Variants in ZNF280D observed in about 807,000 individuals in gnomAD.
ZNF280D encodes suppressor of hairy wing homolog 4.
Under a neutral mutation model 94.7 loss-of-function variants are expected in ZNF280D, and 39 were observed. The observed-to-expected ratio is 0.41, with a 90% CI of 0.32 to 0.54. The LOEUF (loss-of-function observed/expected upper bound fraction) is 0.54, where lower values mean the gene tolerates loss of function less well. Among genes scored for constraint, ZNF280D ranks in the 20% least tolerant of loss-of-function variants. The pLI, the probability that ZNF280D is intolerant of heterozygous loss-of-function variation, is 0.22. For missense variants in ZNF280D, 1,090 were observed against 1,149.3 expected (o/e 0.95, Z 0.75); for synonymous variants, 398 against 377.6 (o/e 1.05, Z -0.63).
At chr15:56,705,460 A>G (rs1389771261) in intron 3 of ZNF280D, among the ~76,000 whole-genome samples, 1 of 152,150 alleles carries the variant, frequency 6.6e-6, no homozygotes, top group Non-Finnish European at 1.5e-5. Context: ...AATAATTCAA[A>G]TCTTTCCTCC....
At chr15:56,719,767 A>G (rs2058246833) in intron 1 of ZNF280D, among the ~76,000 whole-genome samples, 1 of 151,570 alleles carries the variant, frequency 6.6e-6, no homozygotes. Context: ...AGTCACACGC[A>G]TTGTTTGGTT....
rs779339699 is a variant in ZNF280D, at chr15:56,689,168, C to T, written c.671-18G>A. Reference sequence around the variant, plus strand: ...ATTTGTACCTAAAATAAATTCAGAACATTTATGACTCAAAATTCATCACTT... The same window carrying T: ...ATTTGTACCTAAAATAAATTCAGAATATTTATGACTCAAAATTCATCACTT... On this transcript the variant is annotated intron_variant, in intron 8 of 21. Transcript: ENST00000267807. 5.7e-6 allele frequency: 9 copies of T among 1,588,846 alleles called. No individual in the cohort carries two copies. The highest frequency in any genetic ancestry group is 1.2e-5 in the South Asian group (1 of 86,810).
At chr15:56,700,169 TA>T in intron 6 of ZNF280D, 1 of 977,680 alleles carries the variant, frequency 1.0e-6, no homozygotes, top group Non-Finnish European at 1.2e-6. Flanking sequence ...CTTTCATGTC[TA>T]AAAAAGTGTA....
chr15:56,686,506 T>C (rs1273305406), intron 9 of ZNF280D, among the ~76,000 whole-genome samples: 4 of 152,084 alleles, frequency 2.6e-5, no homozygotes, highest in African/African-American at 9.7e-5. Context: ...TGAAACAAAA[T>C]TGCAATATAT....
At chr15:56,654,162 T>A (rs1201145900) in intron 19 of ZNF280D, 36 bp downstream of exon 19, 15 of 1,592,374 alleles carry the variant, frequency 9.4e-6, no homozygotes, top group Non-Finnish European at 1.3e-5. Flanking sequence ...CTAAAATCCA[T>A]CAAAGTAAAA....
At chr15:56,703,953 T>A (rs2141219412) in intron 4 of ZNF280D, among the ~76,000 whole-genome samples, 168 bp downstream of exon 4, 1 of 152,312 alleles carries the variant, frequency 6.6e-6, no homozygotes, top group South Asian at 2.1e-4. Context: ...AGTCCATTTC[T>A]CTTTTCTGAC....
intron 1 of ZNF280D, among the ~76,000 whole-genome samples, chr15:56,719,886 TAAA>T (rs35398429): frequency 3.5e-4 from 36 of 101,704 alleles, no homozygotes; most frequent in African/African-American, 1.1e-3. Flanking sequence ...ACTTTATTGC[TAAA>T]AAAAAAAAAA....
chr15:56,731,905 G>A (rs2058911381), intron 1 of ZNF280D, among the ~76,000 whole-genome samples: 2 of 152,276 alleles, frequency 1.3e-5, no homozygotes, highest in Middle Eastern at 3.4e-3. Flanking sequence ...AGGCTAGATG[G>A]TGCACACCTG....
chr15:56,700,709 T>A, intron 6 of ZNF280D: 1 of 1,446,056 alleles, frequency 6.9e-7, no homozygotes, highest in Middle Eastern at 1.8e-4. Context: ...TGTACCTATT[T>A]AGGCATACTG....
chr15:56,676,874 C>T (rs756669501), intron 12 of ZNF280D, 58 bp from the exon 13 acceptor site: 489 of 1,278,446 alleles, frequency 3.8e-4, no homozygotes, highest in Non-Finnish European at 5.0e-4. Flanking sequence ...TATGCAATTA[C>T]AAAGGAACAA....
At chr15:56,708,418 A>G (rs900916140) in intron 1 of ZNF280D, among the ~76,000 whole-genome samples, 1 of 152,226 alleles carries the variant, frequency 6.6e-6, no homozygotes, top group African/African-American at 2.4e-5. Context: ...TTTCAGATAA[A>G]TACGTGATAA....
intron 16 of ZNF280D, among the ~76,000 whole-genome samples, chr15:56,663,281 CAA>C (rs59183252): frequency 2.1e-4 from 22 of 102,472 alleles, no homozygotes; most frequent in African/African-American, 3.9e-4. Flanking sequence ...GACCCTTTCT[CAA>C]AAAAAAAAAA....
intron 20 of ZNF280D, among the ~76,000 whole-genome samples, chr15:56,642,177 A>C (rs2052661927): frequency 6.6e-6 from 1 of 151,758 alleles, no homozygotes; most frequent in African/African-American, 2.4e-5. Context: ...TAGATTAAAA[A>C]ATTTAAAAAC....
In ZNF280D at chr15:56,658,496, CAA is replaced by C. The variant is rs1406041398; in HGVS notation, c.1995-12_1995-11del. ...ACGGTTACTATGAAAGCTGGAGAAA[CAA>C]AAGAGATAGTAAAAATTTTATTATA... On this transcript the variant is annotated splice_polypyrimidine_tract_variant and intron_variant, in intron 16 of 21. Coordinates refer to ENST00000267807, the MANE Select transcript of ZNF280D (RefSeq NM_017661.4). The C allele has an allele frequency of 2.6e-6, 4 of 1,539,088 alleles. No homozygotes were observed. Among genetic ancestry groups the C allele is most frequent in the Non-Finnish European group, 2.6e-6 (3 of 1,149,498 alleles).
At chr15:56,652,959 G>T (rs1205761171) in intron 19 of ZNF280D, 1 of 913,674 alleles carries the variant, frequency 1.1e-6, no homozygotes, top group Non-Finnish European at 1.3e-6. Flanking sequence ...TATAAAAATA[G>T]ACATCATAAA....
intron 9 of ZNF280D, among the ~76,000 whole-genome samples, chr15:56,688,365 C>G (rs1289311202): frequency 2.0e-5 from 3 of 151,876 alleles, no homozygotes; most frequent in Non-Finnish European, 4.4e-5. Context: ...GTGGCGGGCG[C>G]CTGTAGTCCC....
At chr15:56,719,886 T>TAAAAA (rs35398429) in intron 1 of ZNF280D, among the ~76,000 whole-genome samples, 18 of 101,718 alleles carry the variant, frequency 1.8e-4, no homozygotes, top group African/African-American at 2.6e-4. Flanking sequence ...ACTTTATTGC[T>TAAAAA]AAAAAAAAAA....
At chr15:56,700,291 A>G (rs2056987093) in intron 6 of ZNF280D, 1 of 578,350 alleles carries the variant, frequency 1.7e-6, no homozygotes. Flanking sequence ...TCTTGAATAA[A>G]TCTTTCAACC....
At chr15:56,702,867 T>G (rs1457047829) in intron 4 of ZNF280D, among the ~76,000 whole-genome samples, 1 of 148,926 alleles carries the variant, frequency 6.7e-6, no homozygotes, top group African/African-American at 2.5e-5. Context: ...TTCAAAAAAT[T>G]TTGGTCTCTT....
Sources: allele counts gnomAD v4.1 joint callset (sites outside exome capture counted in the v4.1 genomes callset), GRCh38; gene constraint gnomAD v4.1.1; transcripts MANE v1.5; gene names NCBI Gene and HGNC (gene_info 2026-07-23, HGNC 2026-07-21).